SPATA16: variants seen among roughly 807,000 people sequenced by gnomAD.
SPATA16 encodes the protein spermatogenesis associated 16, also known as spermatogenesis-associated protein 16.
In SPATA16, 36 loss-of-function variants were observed where a neutral mutation model predicts 63.3. That is an observed-to-expected ratio of 0.57 (90% CI 0.44 to 0.75). The LOEUF is 0.75. Among genes scored for constraint, SPATA16 ranks in the 30% least tolerant of loss-of-function variants. The pLI is 0.00. For missense variants in SPATA16, 646 were observed against 679.3 expected, an observed-to-expected ratio of 0.95 and a Z score of 0.54; for synonymous variants, 203 against 216.7, an observed-to-expected ratio of 0.94 and a Z score of 0.56.
At chr3:173,030,923 T>C (rs1228698446) in intron 3 of SPATA16, among the ~76,000 whole-genome samples, 1 of 152,046 alleles carries the variant, frequency 6.6e-6, no homozygotes, top group Non-Finnish European at 1.5e-5. Context: ...TTAAGACACA[T>C]GCTACAACAT....
intron 2 of SPATA16, among the ~76,000 whole-genome samples, chr3:173,063,490 C>T (rs1736439173): frequency 1.3e-5 from 2 of 152,112 alleles, no homozygotes; most frequent in South Asian, 4.2e-4. Flanking sequence ...GTGATGAAGG[C>T]CTTGGTTAGT....
At chr3:173,044,732 A>G (rs1735918243) in intron 3 of SPATA16, among the ~76,000 whole-genome samples, 1 of 152,144 alleles carries the variant, frequency 6.6e-6, no homozygotes, top group Non-Finnish European at 1.5e-5. Context: ...CTGGATTATG[A>G]CATATTTCCT....
intron 10 of SPATA16, among the ~76,000 whole-genome samples, chr3:172,895,642 T>A (rs78449584): frequency 8.9e-4 from 136 of 152,304 alleles, no homozygotes; most frequent in Admixed American, 1.6e-3. Context: ...CCATAGGTTC[T>A]TCATTTATAT....
At chr3:172,902,037 C>G (rs12637459) in intron 10 of SPATA16, among the ~76,000 whole-genome samples, 14,292 of 152,008 alleles carry the variant, frequency 0.094, 744 homozygotes, top group African/African-American at 0.13. Context: ...ATTGGGATAC[C>G]TTGTGTTTTT....
At chr3:173,008,170 C>T (rs1048880232) in intron 4 of SPATA16, among the ~76,000 whole-genome samples, 5 of 152,160 alleles carry the variant, frequency 3.3e-5, no homozygotes, top group Admixed American at 1.3e-4. Context: ...GTTGCAGATC[C>T]GATACTGTGG....
At chr3:172,936,584 G>A (rs1732999941) in intron 6 of SPATA16, among the ~76,000 whole-genome samples, 1 of 152,212 alleles carries the variant, frequency 6.6e-6, no homozygotes, top group Non-Finnish European at 1.5e-5. Flanking sequence ...TAAGTCCCGA[G>A]TTTTGTGAGT....
At chr3:172,952,743 C>A (rs919043841) in intron 6 of SPATA16, among the ~76,000 whole-genome samples, 6 of 152,086 alleles carry the variant, frequency 3.9e-5, no homozygotes, top group African/African-American at 1.4e-4. Context: ...AGATTGAGAC[C>A]ATCCTGGCCA....
intron 1 of SPATA16, among the ~76,000 whole-genome samples, chr3:173,132,639 T>C (rs1738417797): frequency 1.3e-5 from 2 of 152,146 alleles, no homozygotes; most frequent in South Asian, 4.1e-4. Context: ...TTGGTAAAAA[T>C]AATCATCTGT....
At chr3:172,985,269 T>A (rs1291288517) in intron 4 of SPATA16, among the ~76,000 whole-genome samples, 2 of 152,236 alleles carry the variant, frequency 1.3e-5, no homozygotes, top group Non-Finnish European at 2.9e-5. Context: ...AGCAAATATA[T>A]GCCTGATTGA....
rs373701231 is a variant in SPATA16 at position 172,899,769 on chromosome 3, T to A, written c.1588-10077A>T. ...TGACATAACTAGAGTTTTTGATATA[T>A]CTTTTTGTATGGCTTTTTGAGTATT... On this transcript the variant is annotated intron_variant, in intron 10 of 10. Coordinates refer to ENST00000351008, the MANE Select transcript of SPATA16 (RefSeq NM_031955.6). 1.4e-4 allele frequency among the ~76,000 whole-genome samples: 22 copies of A among 152,242 alleles called. No individual in the cohort carries two copies. The East Asian group carries it at 3.5e-3, about 24-fold the overall frequency.
intron 1 of SPATA16, among the ~76,000 whole-genome samples, chr3:173,125,453 G>T (rs568318976): frequency 1.3e-5 from 2 of 152,262 alleles, no homozygotes; most frequent in South Asian, 4.1e-4. Context: ...TACAATCTCT[G>T]ATGCCTCTGC....
chr3:172,978,039 A>G (rs73175090), intron 4 of SPATA16, among the ~76,000 whole-genome samples: 8,515 of 152,110 alleles, frequency 0.056, 345 homozygotes, highest in Non-Finnish European at 0.079. Flanking sequence ...AAATGTTTAG[A>G]TTCTTCTTCA....
chr3:173,050,041 AT>A (rs1426002052), intron 2 of SPATA16, among the ~76,000 whole-genome samples: 4 of 152,144 alleles, frequency 2.6e-5, no homozygotes, highest in Non-Finnish European at 5.9e-5. Context: ...GTTAATACTT[AT>A]TTATATATCC....
At chr3:172,896,906 T>A (rs1056408861) in intron 10 of SPATA16, among the ~76,000 whole-genome samples, 13 of 151,744 alleles carry the variant, frequency 8.6e-5, no homozygotes, top group East Asian at 5.8e-4. Flanking sequence ...CATCCTTTTT[T>A]ATTTTTTTAA....
intron 2 of SPATA16, among the ~76,000 whole-genome samples, chr3:173,092,610 A>G (rs1737250671): frequency 6.6e-6 from 1 of 152,130 alleles, no homozygotes; most frequent in South Asian, 2.1e-4. Context: ...GATGGTCCCT[A>G]GAAGCTGGAA....
chr3:173,040,408 G>A (rs1735812556), intron 3 of SPATA16, among the ~76,000 whole-genome samples: 1 of 152,106 alleles, frequency 6.6e-6, no homozygotes, highest in Non-Finnish European at 1.5e-5. Context: ...TCAGGTATAA[G>A]AAAGGGGAGG....
At chr3:173,069,736 A>G (rs1227075324) in intron 2 of SPATA16, among the ~76,000 whole-genome samples, 1 of 152,218 alleles carries the variant, frequency 6.6e-6, no homozygotes, top group African/African-American at 2.4e-5. Context: ...AAAATCCTCA[A>G]CAAAATAATT....
intron 5 of SPATA16, among the ~76,000 whole-genome samples, chr3:172,957,961 T>G (rs1024231539): frequency 6.6e-6 from 1 of 152,180 alleles, no homozygotes; most frequent in African/African-American, 2.4e-5. Context: ...AATTATTTTC[T>G]GGATGCAAAG....
intron 4 of SPATA16, among the ~76,000 whole-genome samples, chr3:173,012,135 C>T (rs190161581): frequency 2.0e-5 from 3 of 152,234 alleles, no homozygotes; most frequent in East Asian, 1.9e-4. Flanking sequence ...TTTTTATACA[C>T]CAATAATGTT....
Sources: gnomAD v4.1 joint callset for allele counts (sites outside exome capture counted in the v4.1 genomes callset) on GRCh38, gnomAD v4.1.1 for gene constraint, MANE v1.5 for transcripts, NCBI Gene and HGNC (gene_info 2026-07-23, HGNC 2026-07-21) for gene names.